GPR55: variants seen among roughly 807,000 people sequenced by gnomAD.
The protein encoded by GPR55 is G-protein coupled receptor 55.
Under a neutral mutation model 7.9 loss-of-function variants are expected in GPR55, and 6 were observed. The observed-to-expected ratio is 0.76, with a 90% confidence interval of 0.41 to 1.49. GPR55 has a LOEUF of 1.49. Among genes scored for constraint, GPR55 ranks in the 40% most tolerant of loss-of-function variants. The pLI is 0.01. For missense variants in GPR55, 376 were observed against 406.0 expected (o/e 0.93, Z 0.63); for synonymous variants, 183 against 166.8 (o/e 1.10, Z -0.75).
Position 230,910,619 on chromosome 2 carries a change from A to T in GPR55, c.344T>A (p.Ile115Asn), listed in dbSNP as rs771057599. Residue 115 changes from isoleucine (I) to asparagine (N), a missense_variant, in exon 2 of 2, where the codon ATC (isoleucine) becomes AAC (asparagine). Transcript: ENST00000650999. This position sits in a 1 kb window ranked among gnomAD's most constrained non-coding sequence, Gnocchi z 5.4. ...MYGSVFTICFISMDRFLAIRY... is the reference protein window; with the variant it reads ...MYGSVFTICFNSMDRFLAIRY... ...GATGGCCAAGAACCGGTCCATGCTG[A>T]TGAAGCAGATGGTGAAGACGCTTCC... The T allele has an allele frequency of 1.2e-6, 2 of 1,613,966 alleles. No homozygotes were observed. The highest frequency in any genetic ancestry group is 2.2e-5 in the South Asian group (2 of 91,066).
Position 230,907,574 on chromosome 2 carries a change from G to A in GPR55, c.*2429C>T, listed in dbSNP as rs1001288837. ...GGCCCTTCTTTCCACAGTGTTTTGG[G>A]ATGGGTCAGGGGTCCCCAGGGCACA... On this transcript the variant is annotated 3_prime_UTR_variant, in exon 2 of 2. Transcript: ENST00000650999. The A allele has an allele frequency of 7.9e-5, 12 of 152,256 alleles. No individual in the cohort carries two copies. Among genetic ancestry groups the A allele is most frequent in the African/African-American group, 2.4e-4 (10 of 41,402 alleles). 9.4% of individuals were successfully genotyped at this position (152,256 alleles called of 1,614,324 possible). A position where few individuals can be genotyped will look rare whatever the true frequency, so the allele number is the denominator to read the frequency against.
chr2:230,912,249 G>A (rs2125047770), intron 1 of GPR55, among the ~76,000 whole-genome samples: 1 of 152,228 alleles, frequency 6.6e-6, no homozygotes, highest in South Asian at 2.1e-4. Context: ...GCAGCTGGGT[G>A]AGCAAGTGCG....
rs74358008 is a variant in GPR55, at chr2:230,914,154, G to A, written c.-134-3058C>T. ...AAAGTCCAACCCAAACCCAGACACA[G>A]TGTGTGGCTGAATTGGGGGAACAAA... On this transcript the variant is annotated intron_variant, in intron 1 of 1. Coordinates refer to ENST00000650999, the MANE Select transcript of GPR55 (RefSeq NM_005683.4). 4.9e-3 allele frequency among the ~76,000 whole-genome samples: 752 copies of A among 152,354 alleles called. 4 individuals carry two copies. Among genetic ancestry groups the A allele is most frequent in the Non-Finnish European group, 8.8e-3 (602 of 68,030 alleles).
At chr2:230,960,364 G>A (rs1691549331) in intron 1 of GPR55, among the ~76,000 whole-genome samples, 1 of 152,220 alleles carries the variant, frequency 6.6e-6, no homozygotes, top group Non-Finnish European at 1.5e-5. Flanking sequence ...GAGGCTTCCA[G>A]TAATTTCTAA....
At chr2:230,920,438 TC>T (rs2125054438) in intron 1 of GPR55, among the ~76,000 whole-genome samples, 1 of 151,970 alleles carries the variant, frequency 6.6e-6, no homozygotes, top group East Asian at 1.9e-4. Context: ...GAGACAGCAA[TC>T]CCACCCAAAT....
At position 230,907,738 on chromosome 2, in the gene GPR55, G is replaced by C. The variant is rs937079509; in HGVS notation, c.*2265C>G. 1.3e-5 allele frequency: 2 copies of C among 152,372 alleles called. No individual in the cohort carries two copies. Among genetic ancestry groups the C allele is most frequent in the Admixed American group, 1.3e-4 (2 of 15,300 alleles). The allele number at this position is 152,372 out of a possible 1,614,324, so 9.4% of individuals were successfully genotyped here. ...ATGATCAGGTCCTCTCAGCTGTCTA[G>C]AGCCCTTTCTGTCACCTGGAGAGAG... is the stretch of plus-strand genomic sequence containing the variant. On this transcript the variant is annotated 3_prime_UTR_variant, in exon 2 of 2. Coordinates refer to ENST00000650999, the MANE Select transcript of GPR55 (RefSeq NM_005683.4).
At chr2:230,947,547 A>C (rs1691338571) in intron 1 of GPR55, among the ~76,000 whole-genome samples, 2 of 140,606 alleles carry the variant, frequency 1.4e-5, no homozygotes, top group Non-Finnish European at 3.0e-5. Context: ...TCTGTCTCTC[A>C]GGCTAGAGTG....
Position 230,910,989 on chromosome 2 carries a change from A to G in GPR55, c.-27T>C. The G allele has an allele frequency of 6.4e-7, 1 of 1,567,084 alleles. No individual in the cohort carries two copies. Among genetic ancestry groups the G allele is most frequent in the Non-Finnish European group, 8.7e-7 (1 of 1,152,380 alleles). ...TTTCTTCCTACAACACCAACAGATC[A>G]GACGGGGCTCCTTTCACTCTCTTGA... On this transcript the variant is annotated 5_prime_UTR_variant, in exon 2 of 2. Coordinates refer to ENST00000650999, the MANE Select transcript of GPR55 (RefSeq NM_005683.4). The surrounding 1 kb of genome is among the most constrained non-coding windows in gnomAD (Gnocchi z 5.4).
chr2:230,934,741 A>C (rs1364252836), intron 1 of GPR55, among the ~76,000 whole-genome samples: 3 of 151,434 alleles, frequency 2.0e-5, no homozygotes, highest in African/African-American at 7.3e-5. Flanking sequence ...AATGGATGGG[A>C]CTCCTGGGGG....
chr2:230,933,976 A>G (rs914771263), intron 1 of GPR55, among the ~76,000 whole-genome samples: 7 of 152,028 alleles, frequency 4.6e-5, no homozygotes, highest in Non-Finnish European at 1.0e-4. Flanking sequence ...TCCGGTGACC[A>G]CCCCAGAGGT....
At chr2:230,934,777 C>A (rs1691106775) in intron 1 of GPR55, among the ~76,000 whole-genome samples, 1 of 152,078 alleles carries the variant, frequency 6.6e-6, no homozygotes, top group Non-Finnish European at 1.5e-5. Context: ...GTGTTAAACC[C>A]AGATAGTCCC....
At chr2:230,936,784 T>C (rs189550122) in intron 1 of GPR55, among the ~76,000 whole-genome samples, 2 of 152,208 alleles carry the variant, frequency 1.3e-5, no homozygotes, top group East Asian at 3.9e-4. Flanking sequence ...ATGACAGTTG[T>C]CTTAACACAA....
At chr2:230,922,035 T>C (rs1690850193) in intron 1 of GPR55, among the ~76,000 whole-genome samples, 2 of 150,740 alleles carry the variant, frequency 1.3e-5, no homozygotes, top group Middle Eastern at 3.4e-3. Context: ...AGCCTCGTCA[T>C]GTGGAGGGCT....
chr2:230,911,645 G>A (rs1055656336), intron 1 of GPR55, among the ~76,000 whole-genome samples: 12 of 152,204 alleles, frequency 7.9e-5, no homozygotes, highest in African/African-American at 2.9e-4. Flanking sequence ...TCCCTTGTCA[G>A]GGATTCATAG....
chr2:230,910,322 T>C lies in GPR55; in HGVS notation c.641A>G (p.His214Arg). Residue 214 changes from histidine to arginine, a missense_variant, in exon 2 of 2, where the codon CAC (histidine) becomes CGC (arginine). Transcript: ENST00000650999. The surrounding 1 kb of genome is among the most constrained non-coding windows in gnomAD (Gnocchi z 5.4). ...SIHILLGRRD[H>R]TQDWVQQKAC... is the part of the protein sequence containing the mutation. ...TTTCTGCTGCACCCAGTCCTGGGTG[T>C]GGTCTCGGCGGCCCAGCAGGATGTG... is the stretch of plus-strand genomic sequence containing the variant. 1 of 1,613,686 alleles carries C rather than the reference T, an allele frequency of 6.2e-7. No individual in the cohort carries two copies. Among genetic ancestry groups the C allele is most frequent in the Non-Finnish European group, 8.5e-7 (1 of 1,179,772 alleles).
At chr2:230,948,012 A>G (rs1224602632) in intron 1 of GPR55, among the ~76,000 whole-genome samples, 1 of 152,154 alleles carries the variant, frequency 6.6e-6, no homozygotes, top group Non-Finnish European at 1.5e-5. Flanking sequence ...TGAAGCCTGC[A>G]GTGCCCGCCC....
At chr2:230,934,740 G>A (rs1487318667) in intron 1 of GPR55, among the ~76,000 whole-genome samples, 6 of 152,106 alleles carry the variant, frequency 3.9e-5, no homozygotes, top group Admixed American at 3.3e-4. Context: ...GAATGGATGG[G>A]ACTCCTGGGG....
At chr2:230,925,273 G>A (rs1419906724), upstream of GPR55, 1 of 152,622 alleles carries the variant, frequency 6.6e-6, no homozygotes, top group Admixed American at 6.5e-5. Context: ...TCTGGGTCTC[G>A]ACTTCCTTGT....
rs773652586 is a variant in GPR55 at position 230,923,246 on chromosome 2, C to T, written c.-135+1922G>A. Among the ~76,000 whole-genome samples the T allele has an allele frequency of 1.4e-4, 22 of 152,220 alleles. No homozygotes were observed. The highest frequency in any genetic ancestry group is 2.8e-4 in the Non-Finnish European group (19 of 68,032). On this transcript the variant is annotated intron_variant, in intron 1 of 1. Transcript: ENST00000650999. The surrounding 1 kb of genome is among the most constrained non-coding windows in gnomAD (Gnocchi z 4.1). ...GAGAACACAAGCAACAAGAAGATCA[C>T]AACCCTAAGGAGGGTTGCAACTGAG...
Sources: allele counts gnomAD v4.1 joint callset (sites outside exome capture counted in the v4.1 genomes callset), GRCh38; gene constraint gnomAD v4.1.1; non-coding constraint Gnocchi (gnomAD v3.1); transcripts MANE v1.5; gene names NCBI Gene and HGNC (gene_info 2026-07-23, HGNC 2026-07-21).